Variants in THRB observed in about 807,000 individuals in gnomAD.
THRB encodes thyroid hormone receptor beta.
In THRB, 12 loss-of-function variants were observed where a neutral mutation model predicts 47.8. That is an observed-to-expected ratio of 0.25 (90% CI 0.16 to 0.41). THRB has a LOEUF of 0.41. THRB is among the 10% of genes least tolerant of loss of function. The pLI, the probability that THRB is intolerant of heterozygous loss-of-function variation, is 1.00. For missense variants in THRB, 348 were observed against 589.2 expected, an observed-to-expected ratio of 0.59 and a Z score of 4.24; for synonymous variants, 218 against 212.2, an observed-to-expected ratio of 1.03 and a Z score of -0.24.
intron 3 of THRB, among the ~76,000 whole-genome samples, chr3:24,283,003 T>C (rs996417474): frequency 1.3e-5 from 2 of 151,472 alleles, no homozygotes; most frequent in South Asian, 2.1e-4. Context: ...CTACCAGAGG[T>C]ACAAGGAGGA....
rs542032064 is a variant in THRB, at chr3:24,295,332, A to C, written c.-43+1894T>G. Among the ~76,000 whole-genome samples the C allele has an allele frequency of 7.9e-5, 12 of 152,310 alleles. 1 individual carries two copies. In the South Asian group the frequency reaches 2.5e-3, roughly 32 times the overall value. On this transcript the variant is annotated intron_variant, in intron 3 of 10. Transcript: ENST00000646209. ...CAAGAAGGTACATTTTTCTTTGGGGACTATTTTACTACACAATAATACAGT... is the reference window on the plus strand; with the variant it reads ...CAAGAAGGTACATTTTTCTTTGGGGCCTATTTTACTACACAATAATACAGT...
At chr3:24,381,205 C>A (rs1018187027) in intron 1 of THRB, among the ~76,000 whole-genome samples, 4 of 149,270 alleles carry the variant, frequency 2.7e-5, no homozygotes, top group Non-Finnish European at 6.0e-5. Context: ...AACATTCAAA[C>A]AAAGGAAGAG....
At chr3:24,179,671 C>T (rs2041640422) in intron 5 of THRB, among the ~76,000 whole-genome samples, 1 of 152,186 alleles carries the variant, frequency 6.6e-6, no homozygotes, top group Admixed American at 6.5e-5. Flanking sequence ...TCCACTTCAA[C>T]TCTTAGAAAC....
intron 1 of THRB, among the ~76,000 whole-genome samples, chr3:24,362,013 C>T (rs1470988266): frequency 6.6e-6 from 1 of 152,210 alleles, no homozygotes; most frequent in African/African-American, 2.4e-5. Flanking sequence ...GTTACTTTTA[C>T]CACCAATAAT....
At chr3:24,462,851 C>T (rs767874786) in intron 1 of THRB, among the ~76,000 whole-genome samples, 3 of 152,164 alleles carry the variant, frequency 2.0e-5, no homozygotes, top group Admixed American at 6.5e-5. Flanking sequence ...GTTTCTCAGG[C>T]TACCAAGCTC....
intron 1 of THRB, among the ~76,000 whole-genome samples, chr3:24,386,961 G>A (rs539107914): frequency 3.3e-5 from 5 of 152,054 alleles, no homozygotes; most frequent in African/African-American, 7.2e-5. Flanking sequence ...AGCTATTATT[G>A]TTATGGACCT....
intron 4 of THRB, among the ~76,000 whole-genome samples, chr3:24,216,622 AT>A (rs2046596402): frequency 6.6e-6 from 1 of 152,022 alleles, no homozygotes; most frequent in Non-Finnish European, 1.5e-5. Context: ...AAAAAAATAT[AT>A]GAATTGCTGT....
At chr3:24,127,790 A>C (rs368652814) in intron 9 of THRB, 33 bp from the exon 10 acceptor site, 1 of 1,613,646 alleles carries the variant, frequency 6.2e-7, no homozygotes, top group Non-Finnish European at 8.5e-7. Flanking sequence ...AGCAAAGAAC[A>C]AATGCAAAAA....
intron 4 of THRB, among the ~76,000 whole-genome samples, chr3:24,211,712 T>G (rs909336656): frequency 6.6e-6 from 1 of 152,220 alleles, no homozygotes; most frequent in Non-Finnish European, 1.5e-5. Flanking sequence ...CAAACCAAAG[T>G]GATCCTACCT....
At chr3:24,333,468 C>T (rs41333647) in intron 2 of THRB, among the ~76,000 whole-genome samples, 3,526 of 152,296 alleles carry the variant, frequency 0.023, 124 homozygotes, top group African/African-American at 0.078. Context: ...CTCTTAATGA[C>T]TTGAAATAGG....
intron 3 of THRB, among the ~76,000 whole-genome samples, chr3:24,279,662 T>C (rs768762832): frequency 1.3e-5 from 2 of 152,074 alleles, no homozygotes; most frequent in Non-Finnish European, 2.9e-5. Context: ...CCCAAAGTGC[T>C]GGGATTACAG....
At chr3:24,208,613 T>G (rs1052743961) in intron 4 of THRB, among the ~76,000 whole-genome samples, 2 of 152,226 alleles carry the variant, frequency 1.3e-5, no homozygotes, top group Admixed American at 1.3e-4. Context: ...ATTCCCTATT[T>G]AATAAATGGT....
At chr3:24,140,516 G>A (rs909146611) in intron 8 of THRB, among the ~76,000 whole-genome samples, 1 of 151,988 alleles carries the variant, frequency 6.6e-6, no homozygotes, top group East Asian at 1.9e-4. Context: ...TGGCTAGCTT[G>A]GGATTCCTCA....
intron 1 of THRB, among the ~76,000 whole-genome samples, chr3:24,473,633 T>C (rs1157433804): frequency 3.3e-5 from 5 of 152,236 alleles, no homozygotes; most frequent in East Asian, 1.9e-4. Flanking sequence ...TAAAGACACA[T>C]GCACACATAT....
At chr3:24,160,085 A>T (rs1473159474) in intron 5 of THRB, among the ~76,000 whole-genome samples, 1 of 152,144 alleles carries the variant, frequency 6.6e-6, no homozygotes. Context: ...TTGGTGACAT[A>T]AAGTGATGCA....
At chr3:24,296,644 C>G (rs1355016821) in intron 3 of THRB, among the ~76,000 whole-genome samples, 1 of 152,184 alleles carries the variant, frequency 6.6e-6, no homozygotes, top group African/African-American at 2.4e-5. Context: ...TGTAAGAGTA[C>G]AGAGAACAGA....
In THRB at chr3:24,181,788, C is replaced by T. The variant is rs183032542; in HGVS notation, c.283+8286G>A. Reference sequence around the variant, plus strand: ...CCCTGTTCATGGCCTCCTTCTAGTCCCATTCTTTCCATTGTCTTTATTGGA... The same window carrying T: ...CCCTGTTCATGGCCTCCTTCTAGTCTCATTCTTTCCATTGTCTTTATTGGA... On this transcript the variant is annotated intron_variant, in intron 5 of 10. Coordinates refer to ENST00000646209, the MANE Select transcript of THRB (RefSeq NM_001354712.2). Among the ~76,000 whole-genome samples the T allele has an allele frequency of 2.1e-3, 320 of 152,292 alleles. 1 individual carries two copies. The highest frequency in any genetic ancestry group is 7.4e-3 in the African/African-American group (306 of 41,558).
At chr3:24,233,000 CT>C (rs1203731445) in intron 3 of THRB, among the ~76,000 whole-genome samples, 1 of 152,146 alleles carries the variant, frequency 6.6e-6, no homozygotes, top group African/African-American at 2.4e-5. Context: ...AGGGGTGGTG[CT>C]GAGAATCATG....
chr3:24,168,919 A>T (rs1194112728), intron 5 of THRB, among the ~76,000 whole-genome samples: 1 of 152,034 alleles, frequency 6.6e-6, no homozygotes, highest in Admixed American at 6.6e-5. Context: ...GGCTTCACAG[A>T]AGAGGTGACC....
Sources: gnomAD v4.1 joint callset for allele counts (sites outside exome capture counted in the v4.1 genomes callset) on GRCh38, gnomAD v4.1.1 for gene constraint, MANE v1.5 for transcripts, NCBI Gene and HGNC (gene_info 2026-07-23, HGNC 2026-07-21) for gene names.